Variants in NCOA1 observed in about 807,000 individuals in gnomAD.
The protein encoded by NCOA1 is nuclear receptor coactivator 1.
A neutral mutation model predicts 150.9 loss-of-function variants in NCOA1; 35 were observed. The observed-to-expected ratio is 0.23, with a 90% CI of 0.18 to 0.31. The LOEUF (loss-of-function observed/expected upper bound fraction) is 0.31. Ranked by LOEUF, NCOA1 falls within the 10% of genes least tolerant of loss-of-function variation. The pLI is 1.00. For missense variants in NCOA1, 1,491 were observed against 1,749.3 expected (o/e 0.85, Z 2.63); for synonymous variants, 590 against 630.0 (o/e 0.94, Z 0.95).
chr2:24,762,756 A>G lies in NCOA1; in HGVS notation c.4135A>G (p.Thr1379Ala). ...NQLSSTDLLKTEADGTQQVQQ... is the reference protein window; with the variant it reads ...NQLSSTDLLKAEADGTQQVQQ... ...GCTCTCATCCACTGACCTTCTCAAA[A>G]CAGAAGCAGATGGAACCCAGGTCAG... The change falls in exon 22 of 23, where the codon ACA (threonine) becomes GCA (alanine). Residue 1379 changes from threonine to alanine, a missense_variant. Physicochemically the swap from Thr to Ala is moderately conservative, Grantham distance 58. Coordinates refer to ENST00000348332, the MANE Select transcript of NCOA1 (RefSeq NM_003743.5). 6.2e-7 allele frequency: 1 copy of G among 1,613,944 alleles called. No homozygotes were observed. The highest frequency in any genetic ancestry group is 1.1e-5 in the South Asian group (1 of 91,080).
At chr2:24,574,301 C>T (rs1404749269) in intron 2 of NCOA1, among the ~76,000 whole-genome samples, 1 of 152,040 alleles carries the variant, frequency 6.6e-6, no homozygotes, top group Non-Finnish European at 1.5e-5. Flanking sequence ...CCAGCTAGCT[C>T]CAGAACCAAT....
chr2:24,514,434 G>A lies in NCOA1; in HGVS notation c.-396+22832G>A, dbSNP rs181918910. Among the ~76,000 whole-genome samples, 629 of 151,976 alleles carry A rather than the reference G, an allele frequency of 4.1e-3. 3 individuals carry two copies. The highest frequency in any genetic ancestry group is 0.01 in the Middle Eastern group (3 of 294). On this transcript the variant is annotated intron_variant, in intron 1 of 22. Transcript: ENST00000348332. ...AGCTCTATGTGAGCAAGTAAAGTGA[G>A]TATCTGGCAATTGTGACTTAAAATA...
At chr2:24,534,411 A>ATTT (rs200366201) in intron 1 of NCOA1, among the ~76,000 whole-genome samples, 170 of 145,482 alleles carry the variant, frequency 1.2e-3, no homozygotes, top group African/African-American at 2.2e-3. Flanking sequence ...GGATTCATTG[A>ATTT]TTTTTTTTTT....
At position 24,588,722 on chromosome 2, in the gene NCOA1, G is replaced by A. The variant is rs1005095001; in HGVS notation, c.-175+4162G>A. On this transcript the variant is annotated intron_variant, in intron 3 of 22. Coordinates refer to ENST00000348332, the MANE Select transcript of NCOA1 (RefSeq NM_003743.5). ...TTCTGACCTCAGGTCTTTAGTAGGA[G>A]AAGAGGTAGATGAATGGGCTCACTC... is the stretch of plus-strand genomic sequence containing the variant. 8.5e-5 allele frequency among the ~76,000 whole-genome samples: 13 copies of A among 152,176 alleles called. 1 individual carries two copies. The highest frequency in any genetic ancestry group is 3.1e-4 in the African/African-American group (13 of 41,428).
intron 3 of NCOA1, among the ~76,000 whole-genome samples, chr2:24,600,541 G>A (rs565484189): frequency 3.3e-5 from 5 of 152,228 alleles, no homozygotes; most frequent in East Asian, 1.9e-4. Context: ...TTTCCCATTC[G>A]TTGTTATTTT....
At chr2:24,694,739 A>G (rs1672819564) in intron 10 of NCOA1, among the ~76,000 whole-genome samples, 1 of 152,124 alleles carries the variant, frequency 6.6e-6, no homozygotes, top group African/African-American at 2.4e-5. Context: ...TCCAGTCTCT[A>G]CCATGAACAA....
chr2:24,599,288 A>G (rs1478112672), intron 3 of NCOA1, among the ~76,000 whole-genome samples: 1 of 152,232 alleles, frequency 6.6e-6, no homozygotes. Context: ...ACATTCTGAG[A>G]CACAAAATAT....
At chr2:24,645,854 T>C (rs1261520487) in intron 4 of NCOA1, among the ~76,000 whole-genome samples, 1 of 152,166 alleles carries the variant, frequency 6.6e-6, no homozygotes, top group Non-Finnish European at 1.5e-5. Flanking sequence ...TAAGGAGCAA[T>C]AAATGAATTA....
At chr2:24,565,131 A>G (rs775028008) in intron 2 of NCOA1, among the ~76,000 whole-genome samples, 11 of 152,248 alleles carry the variant, frequency 7.2e-5, no homozygotes, top group Non-Finnish European at 1.2e-4. Flanking sequence ...ATCAGGTGAC[A>G]CTTCCAAAAC....
chr2:24,544,098 T>C (rs1229958755), intron 1 of NCOA1, among the ~76,000 whole-genome samples: 3 of 152,140 alleles, frequency 2.0e-5, no homozygotes, highest in Non-Finnish European at 4.4e-5. Flanking sequence ...TGGTGGTTAG[T>C]TACTAGGGAG....
chr2:24,755,258 A>T (rs530414886), intron 20 of NCOA1, among the ~76,000 whole-genome samples: 8 of 152,370 alleles, frequency 5.3e-5, no homozygotes, highest in Admixed American at 3.3e-4. Flanking sequence ...CTTTTTCATT[A>T]TCTCTCTGGT....
intron 7 of NCOA1, among the ~76,000 whole-genome samples, chr2:24,680,428 A>G (rs2148534974): frequency 6.6e-6 from 1 of 152,342 alleles, no homozygotes; most frequent in South Asian, 2.1e-4. Context: ...ATCTGCCACA[A>G]TATGTATGAA....
intron 1 of NCOA1, among the ~76,000 whole-genome samples, chr2:24,522,706 T>C (rs570900730): frequency 2.7e-4 from 41 of 152,276 alleles, no homozygotes; most frequent in Middle Eastern, 6.8e-3. Flanking sequence ...TAAAATAGAT[T>C]GGAAGGGGGC....
At chr2:24,767,084 A>G (rs972944616) in intron 22 of NCOA1, among the ~76,000 whole-genome samples, 1 of 152,196 alleles carries the variant, frequency 6.6e-6, no homozygotes, top group African/African-American at 2.4e-5. Flanking sequence ...AGAGGATAGG[A>G]GACCAGGGGA....
intron 2 of NCOA1, among the ~76,000 whole-genome samples, chr2:24,577,457 G>A (rs552777652): frequency 1.3e-5 from 2 of 152,294 alleles, no homozygotes; most frequent in South Asian, 4.1e-4. Flanking sequence ...ATAAGATTGA[G>A]TGTAATCGTC....
intron 1 of NCOA1, among the ~76,000 whole-genome samples, chr2:24,558,458 A>C (rs186007945): frequency 6.6e-6 from 1 of 152,264 alleles, no homozygotes; most frequent in African/African-American, 2.4e-5. Flanking sequence ...GGCAAGAGAA[A>C]ATAAGGAAGA....
At chr2:24,595,521 C>A (rs1667849250) in intron 3 of NCOA1, among the ~76,000 whole-genome samples, 1 of 152,038 alleles carries the variant, frequency 6.6e-6, no homozygotes, top group Non-Finnish European at 1.5e-5. Context: ...ATCATACTTT[C>A]CAAAAGAATA....
chr2:24,588,784 G>A (rs994977114), intron 3 of NCOA1, among the ~76,000 whole-genome samples: 2 of 152,110 alleles, frequency 1.3e-5, no homozygotes, highest in Admixed American at 6.5e-5. Context: ...TAATCTTAAG[G>A]TGATATTGGT....
At chr2:24,644,229 G>C (rs1302809605) in intron 4 of NCOA1, 107 bp downstream of exon 4, 2 of 152,110 alleles carry the variant, frequency 1.3e-5, no homozygotes, top group Non-Finnish European at 2.9e-5. Flanking sequence ...TGTTTGATCT[G>C]GGTTGCTTCA....
Sources: allele counts gnomAD v4.1 joint callset (sites outside exome capture counted in the v4.1 genomes callset), GRCh38; gene constraint gnomAD v4.1.1; transcripts MANE v1.5; gene names NCBI Gene and HGNC (gene_info 2026-07-23, HGNC 2026-07-21).